The following GALNTL6 variants were observed in gnomAD, a reference collection of about 807,000 sequenced individuals.
The protein encoded by GALNTL6 is polypeptide N-acetylgalactosaminyltransferase-like 6.
A neutral mutation model predicts 73.7 loss-of-function variants in GALNTL6; 46 were observed. That is an observed-to-expected ratio of 0.62 (90% CI 0.49 to 0.80). The LOEUF is 0.80. Ranked by LOEUF, GALNTL6 falls within the 30% of genes least tolerant of loss-of-function variation. The pLI is 0.00. For synonymous variants in GALNTL6, 259 were observed against 263.7 expected, an observed-to-expected ratio of 0.98 and a Z score of 0.17; for missense variants, 604 against 755.0, an observed-to-expected ratio of 0.80 and a Z score of 2.34.
At chr4:172,568,268 T>C (rs1736630148) in intron 5 of GALNTL6, among the ~76,000 whole-genome samples, 1 of 152,142 alleles carries the variant, frequency 6.6e-6, no homozygotes, top group African/African-American at 2.4e-5. Context: ...TAAACTCACA[T>C]GGAATGCTTT....
At chr4:172,241,437 G>A (rs923486281) in intron 3 of GALNTL6, among the ~76,000 whole-genome samples, 1 of 152,192 alleles carries the variant, frequency 6.6e-6, no homozygotes, top group African/African-American at 2.4e-5. Flanking sequence ...CTCATGAATA[G>A]CATCAGGATT....
At chr4:172,589,019 A>T (rs1737535586) in intron 5 of GALNTL6, among the ~76,000 whole-genome samples, 1 of 152,250 alleles carries the variant, frequency 6.6e-6, no homozygotes, top group African/African-American at 2.4e-5. Flanking sequence ...TAGTCGATTA[A>T]ATATTATATC....
chr4:172,160,174 G>A (rs940419037), intron 2 of GALNTL6, among the ~76,000 whole-genome samples: 5 of 151,966 alleles, frequency 3.3e-5, no homozygotes, highest in Admixed American at 6.6e-5. Context: ...GTGTGTGTGC[G>A]TGTGCGTGTG....
At chr4:172,178,802 C>T (rs1002205723) in intron 2 of GALNTL6, among the ~76,000 whole-genome samples, 1 of 101,176 alleles carries the variant, frequency 9.9e-6, no homozygotes, top group African/African-American at 4.0e-5. Flanking sequence ...CTATCCCTCC[C>T]CCCTCCCCCC....
At chr4:172,933,941 A>T (rs1242943207) in intron 9 of GALNTL6, among the ~76,000 whole-genome samples, 1 of 152,218 alleles carries the variant, frequency 6.6e-6, no homozygotes, top group African/African-American at 2.4e-5. Context: ...AGACTTCCAA[A>T]ATATTTAAAC....
At chr4:172,407,552 A>C (rs1744282487) in intron 5 of GALNTL6, among the ~76,000 whole-genome samples, 1 of 152,090 alleles carries the variant, frequency 6.6e-6, no homozygotes, top group African/African-American at 2.4e-5. Context: ...ATCTATTTGA[A>C]TAACTCTTTG....
At chr4:172,402,954 A>G (rs1744093896) in intron 5 of GALNTL6, among the ~76,000 whole-genome samples, 3 of 152,126 alleles carry the variant, frequency 2.0e-5, no homozygotes, top group South Asian at 2.1e-4. Context: ...TTAAACCTGG[A>G]CATTCATTTT....
intron 5 of GALNTL6, among the ~76,000 whole-genome samples, chr4:172,599,658 T>A (rs1304960045): frequency 6.6e-6 from 1 of 152,176 alleles, no homozygotes; most frequent in Non-Finnish European, 1.5e-5. Context: ...AGTTATATAT[T>A]GTGCCAAGGA....
At chr4:172,553,530 G>A (rs1314832105) in intron 5 of GALNTL6, among the ~76,000 whole-genome samples, 1 of 152,016 alleles carries the variant, frequency 6.6e-6, no homozygotes, top group Non-Finnish European at 1.5e-5. Flanking sequence ...TTAAAATGAG[G>A]AGTTAAATTT....
At chr4:172,106,570 A>G (rs1732679985) in intron 2 of GALNTL6, among the ~76,000 whole-genome samples, 1 of 152,212 alleles carries the variant, frequency 6.6e-6, no homozygotes, top group African/African-American at 2.4e-5. Flanking sequence ...CTTGAGAACT[A>G]ATGAAATCAA....
intron 2 of GALNTL6, among the ~76,000 whole-genome samples, chr4:172,088,476 G>C (rs1019543090): frequency 2.0e-5 from 3 of 152,146 alleles, no homozygotes; most frequent in African/African-American, 7.2e-5. Flanking sequence ...TTCTTCATAG[G>C]GGAAGAAGAG....
At chr4:172,768,850 G>T (rs932020284) in intron 5 of GALNTL6, among the ~76,000 whole-genome samples, 1 of 151,958 alleles carries the variant, frequency 6.6e-6, no homozygotes, top group African/African-American at 2.4e-5. Flanking sequence ...GTTTCCACTT[G>T]CTAGACATGT....
intron 2 of GALNTL6, among the ~76,000 whole-genome samples, chr4:172,003,868 A>G (rs1194090464): frequency 1.3e-5 from 2 of 152,160 alleles, no homozygotes; most frequent in Non-Finnish European, 2.9e-5. Context: ...CTGTATCAAA[A>G]GAAAAATACA....
chr4:172,409,106 A>T (rs1744341416), intron 5 of GALNTL6, among the ~76,000 whole-genome samples: 1 of 152,082 alleles, frequency 6.6e-6, no homozygotes, highest in South Asian at 2.1e-4. Flanking sequence ...AATATTTGTA[A>T]CATCTGCTAT....
chr4:171,881,961 C>T (rs1736463518), intron 2 of GALNTL6, among the ~76,000 whole-genome samples: 1 of 152,146 alleles, frequency 6.6e-6, no homozygotes, highest in Admixed American at 6.5e-5. Flanking sequence ...TGCTTTCTTT[C>T]TTTGGTTAAC....
At chr4:172,054,254 A>T (rs1020203014) in intron 2 of GALNTL6, among the ~76,000 whole-genome samples, 3 of 152,160 alleles carry the variant, frequency 2.0e-5, no homozygotes, top group Non-Finnish European at 2.9e-5. Context: ...TCTTATCACA[A>T]ACATATTTTT....
intron 3 of GALNTL6, among the ~76,000 whole-genome samples, chr4:172,243,184 C>A (rs377613401): frequency 5.9e-5 from 9 of 152,264 alleles, no homozygotes; most frequent in South Asian, 4.1e-4. Flanking sequence ...CAATTTTTCA[C>A]TTGCTGCTCT....
intron 2 of GALNTL6, among the ~76,000 whole-genome samples, chr4:171,888,552 G>A (rs978920709): frequency 1.3e-5 from 2 of 151,966 alleles, no homozygotes; most frequent in African/African-American, 2.4e-5. Flanking sequence ...GAATCCTCAA[G>A]TCTGTCAGGG....
intron 3 of GALNTL6, among the ~76,000 whole-genome samples, chr4:172,241,295 G>A (rs755504909): frequency 1.3e-5 from 2 of 152,096 alleles, no homozygotes; most frequent in South Asian, 2.1e-4. Context: ...GGTGGTATAC[G>A]CAGTGGAAGG....
Sources: gnomAD v4.1 joint callset for allele counts (sites outside exome capture counted in the v4.1 genomes callset) on GRCh38, gnomAD v4.1.1 for gene constraint, MANE v1.5 for transcripts, NCBI Gene and HGNC (gene_info 2026-07-23, HGNC 2026-07-21) for gene names.